Variants in ANKS1B observed in about 807,000 individuals in gnomAD.
ANKS1B encodes ankyrin repeat and sterile alpha motif domain containing 1B.
In ANKS1B, 36 loss-of-function variants were observed where a neutral mutation model predicts 148.3. That is an observed-to-expected ratio of 0.24 (90% CI 0.19 to 0.32). ANKS1B has a LOEUF of 0.32. Ranked by LOEUF, ANKS1B falls within the 10% of genes least tolerant of loss-of-function variation. The probability of loss-of-function intolerance (pLI) is 1.00; values close to 1 mark genes in which losing one functional copy is unlikely to be tolerated. For synonymous variants in ANKS1B, 542 were observed against 560.8 expected (o/e 0.97, Z 0.47); for missense variants, 1,157 against 1,542.6 (o/e 0.75, Z 4.19).
At chr12:99,252,067 AG>A (rs1163146418) in intron 12 of ANKS1B, among the ~76,000 whole-genome samples, 2 of 152,248 alleles carry the variant, frequency 1.3e-5, no homozygotes, top group African/African-American at 4.8e-5. Flanking sequence ...TAGAAACGAA[AG>A]GAAGATGCTA....
intron 2 of ANKS1B, among the ~76,000 whole-genome samples, chr12:99,819,438 A>G (rs1372129276): frequency 2.0e-5 from 3 of 151,822 alleles, no homozygotes; most frequent in Non-Finnish European, 4.4e-5. Flanking sequence ...AAACCTAAGA[A>G]AGATCAAATC....
At chr12:99,254,223 G>A (rs1485274218) in intron 12 of ANKS1B, among the ~76,000 whole-genome samples, 2 of 152,158 alleles carry the variant, frequency 1.3e-5, no homozygotes, top group African/African-American at 4.8e-5. Flanking sequence ...TTCTGTGGTT[G>A]TGTAAGAATG....
intron 12 of ANKS1B, among the ~76,000 whole-genome samples, chr12:99,267,952 TA>T (rs1327405013): frequency 2.0e-5 from 3 of 152,074 alleles, no homozygotes; most frequent in African/African-American, 7.2e-5. Context: ...TGGTGAAAAA[TA>T]AGGTTGCAAA....
At chr12:99,354,663 G>A (rs182065491) in intron 12 of ANKS1B, among the ~76,000 whole-genome samples, 5 of 152,056 alleles carry the variant, frequency 3.3e-5, no homozygotes, top group Admixed American at 6.6e-5. Context: ...TTTGAGTCTC[G>A]TACTACTAGG....
chr12:99,722,359 C>T (rs578186888), intron 8 of ANKS1B, among the ~76,000 whole-genome samples: 1 of 152,320 alleles, frequency 6.6e-6, no homozygotes, highest in East Asian at 1.9e-4. Context: ...TGTAATGCAG[C>T]TGGTAACTTT....
chr12:99,697,876 G>T (rs974054962), intron 8 of ANKS1B, among the ~76,000 whole-genome samples: 1 of 152,086 alleles, frequency 6.6e-6, no homozygotes, highest in African/African-American at 2.4e-5. Flanking sequence ...AAACTTTTCT[G>T]TAAACCTAAA....
chr12:98,812,863 T>G (rs1253513326), intron 19 of ANKS1B, among the ~76,000 whole-genome samples: 1 of 152,154 alleles, frequency 6.6e-6, no homozygotes, highest in Non-Finnish European at 1.5e-5. Flanking sequence ...AATTATTTTT[T>G]TAAAAAATCG....
intron 8 of ANKS1B, among the ~76,000 whole-genome samples, chr12:99,740,667 C>T (rs1162082039): frequency 1.3e-5 from 2 of 152,100 alleles, no homozygotes; most frequent in African/African-American, 2.4e-5. Flanking sequence ...ATGCAGAAGG[C>T]GGGTGATTTC....
At chr12:98,879,760 G>C (rs909142677) in intron 17 of ANKS1B, among the ~76,000 whole-genome samples, 6 of 152,054 alleles carry the variant, frequency 3.9e-5, no homozygotes, top group African/African-American at 1.4e-4. Context: ...TTATATTTAG[G>C]CTTTCAGTCA....
At chr12:99,738,585 C>T (rs1005147403) in intron 8 of ANKS1B, among the ~76,000 whole-genome samples, 2 of 152,154 alleles carry the variant, frequency 1.3e-5, no homozygotes, top group African/African-American at 4.8e-5. Flanking sequence ...ACTGAATATG[C>T]ACAATTCTCT....
chr12:98,891,266 C>T (rs1358756335), intron 17 of ANKS1B, among the ~76,000 whole-genome samples: 1 of 152,092 alleles, frequency 6.6e-6, no homozygotes, highest in Non-Finnish European at 1.5e-5. Context: ...TACATCTTTG[C>T]TGTGTGAATA....
intron 16 of ANKS1B, among the ~76,000 whole-genome samples, chr12:99,054,547 T>C (rs2099968345): frequency 6.6e-6 from 1 of 152,216 alleles, no homozygotes; most frequent in Non-Finnish European, 1.5e-5. Flanking sequence ...TGTTTTATTT[T>C]ATTTTTTTTG....
At chr12:98,880,746 C>T (rs181194051) in intron 17 of ANKS1B, among the ~76,000 whole-genome samples, 1 of 151,632 alleles carries the variant, frequency 6.6e-6, no homozygotes, top group Non-Finnish European at 1.5e-5. Context: ...CCAGCCTGGG[C>T]GACACAGCGA....
chr12:99,700,534 A>G (rs1042094536), intron 8 of ANKS1B, among the ~76,000 whole-genome samples: 1 of 152,126 alleles, frequency 6.6e-6, no homozygotes, highest in Non-Finnish European at 1.5e-5. Flanking sequence ...CCTTCTTTAC[A>G]ATTTCATGAA....
intron 12 of ANKS1B, among the ~76,000 whole-genome samples, chr12:99,339,235 GA>G (rs2089496648): frequency 6.6e-6 from 1 of 152,274 alleles, no homozygotes; most frequent in African/African-American, 2.4e-5. Context: ...TCTGACTAGG[GA>G]TGCTCTAAGT....
At chr12:99,279,970 CT>C (rs529560314) in intron 12 of ANKS1B, among the ~76,000 whole-genome samples, 118 of 152,078 alleles carry the variant, frequency 7.8e-4, no homozygotes, top group Non-Finnish European at 1.3e-3. Flanking sequence ...CACAACTGCA[CT>C]CCAGCCTAGG....
At chr12:99,893,511 A>C (rs2093229728) in intron 1 of ANKS1B, among the ~76,000 whole-genome samples, 1 of 152,116 alleles carries the variant, frequency 6.6e-6, no homozygotes, top group African/African-American at 2.4e-5. Flanking sequence ...GTGGTGAATC[A>C]AGTTTTTACT....
chr12:99,701,495 G>A (rs1413249868), intron 8 of ANKS1B, among the ~76,000 whole-genome samples: 1 of 151,874 alleles, frequency 6.6e-6, no homozygotes, highest in Non-Finnish European at 1.5e-5. Context: ...GGTAAACGAG[G>A]TATCCACCAC....
intron 8 of ANKS1B, among the ~76,000 whole-genome samples, chr12:99,753,778 T>C (rs762115544): frequency 1.1e-4 from 17 of 152,024 alleles, no homozygotes; most frequent in Admixed American, 2.0e-4. Flanking sequence ...TACTAGCACT[T>C]TGGGAGGCCA....
Sources: gnomAD v4.1 joint callset for allele counts (sites outside exome capture counted in the v4.1 genomes callset) on GRCh38, gnomAD v4.1.1 for gene constraint, MANE v1.5 for transcripts, NCBI Gene and HGNC (gene_info 2026-07-23, HGNC 2026-07-21) for gene names.